COLEC12: variants seen among roughly 807,000 people sequenced by gnomAD.
COLEC12 encodes the protein collectin-12.
COLEC12 carries 33 observed loss-of-function variants against 71.1 expected under a neutral mutation model. The observed-to-expected ratio is 0.46, with a 90% confidence interval of 0.35 to 0.62. The LOEUF (loss-of-function observed/expected upper bound fraction) is 0.62, where lower values mean the gene tolerates loss of function less well. Among genes scored for constraint, COLEC12 ranks in the 20% least tolerant of loss-of-function variants. The pLI is 0.00. For synonymous variants in COLEC12, 350 were observed against 353.0 expected, an observed-to-expected ratio of 0.99 and a Z score of 0.10; for missense variants, 765 against 916.1, an observed-to-expected ratio of 0.84 and a Z score of 2.13.
chr18:352,297 T>C (rs574276025), intron 3 of COLEC12, among the ~76,000 whole-genome samples: 27 of 152,324 alleles, frequency 1.8e-4, no homozygotes, highest in African/African-American at 6.5e-4. Flanking sequence ...TCAAAACATA[T>C]GCCTCGGTCT....
At chr18:431,831 A>G (rs756396060) in intron 2 of COLEC12, among the ~76,000 whole-genome samples, 2 of 152,206 alleles carry the variant, frequency 1.3e-5, no homozygotes, top group African/African-American at 2.4e-5. Context: ...AGTAGTAATA[A>G]TAAGTGTAGC....
At chr18:488,370 C>T (rs928579678) in intron 1 of COLEC12, among the ~76,000 whole-genome samples, 5 of 152,064 alleles carry the variant, frequency 3.3e-5, no homozygotes, top group African/African-American at 1.2e-4. Context: ...GAGATAGCAC[C>T]ACTGCTCTCC....
intron 1 of COLEC12, among the ~76,000 whole-genome samples, chr18:497,883 C>T (rs1354661754): frequency 2.0e-5 from 3 of 152,348 alleles, no homozygotes; most frequent in East Asian, 1.9e-4. Flanking sequence ...GTAAAAGCAG[C>T]TTTCCGTTTT....
At chr18:366,970 G>C (rs753770269) in intron 2 of COLEC12, among the ~76,000 whole-genome samples, 18 of 152,346 alleles carry the variant, frequency 1.2e-4, no homozygotes, top group Non-Finnish European at 2.4e-4. Context: ...GCTGGAGGTA[G>C]AGGGTGGAAT....
intron 6 of COLEC12, chr18:333,397 C>T (rs144753454): frequency 2.9e-5 from 10 of 340,932 alleles, no homozygotes; most frequent in Non-Finnish European, 5.3e-5. Context: ...TGTCTGGATC[C>T]GTCTTCACAA....
intron 2 of COLEC12, among the ~76,000 whole-genome samples, chr18:420,603 G>T (rs1287615309): frequency 2.0e-5 from 3 of 152,166 alleles, no homozygotes; most frequent in Non-Finnish European, 4.4e-5. Flanking sequence ...CGCCTGACTG[G>T]ACAGTAACTT....
intron 2 of COLEC12, among the ~76,000 whole-genome samples, chr18:440,657 T>C (rs968576628): frequency 6.6e-6 from 1 of 152,186 alleles, no homozygotes; most frequent in Non-Finnish European, 1.5e-5. Flanking sequence ...TCAAGTCCCT[T>C]ATCAGTCTTC....
At chr18:398,963 G>A (rs1480299981) in intron 2 of COLEC12, among the ~76,000 whole-genome samples, 1 of 152,180 alleles carries the variant, frequency 6.6e-6, no homozygotes, top group Non-Finnish European at 1.5e-5. Context: ...GGAATTAAAA[G>A]CAGGTCTATA....
intron 2 of COLEC12, among the ~76,000 whole-genome samples, chr18:388,022 G>A (rs549191209): frequency 2.6e-5 from 4 of 152,226 alleles, no homozygotes; most frequent in South Asian, 4.2e-4. Context: ...TATCTTCCCC[G>A]CAAAACAGTT....
At chr18:483,746 G>A (rs73358567) in intron 1 of COLEC12, among the ~76,000 whole-genome samples, 8,041 of 152,218 alleles carry the variant, frequency 0.053, 277 homozygotes, top group Admixed American at 0.12. Flanking sequence ...GTAATCTGTC[G>A]TGTTAATGGC....
chr18:397,237 A>G (rs889106227), intron 2 of COLEC12, among the ~76,000 whole-genome samples: 3 of 152,044 alleles, frequency 2.0e-5, no homozygotes, highest in Non-Finnish European at 4.4e-5. Context: ...TGAGGCCACC[A>G]CCCCTACTTT....
At chr18:479,134 G>GT (rs1050115078) in intron 2 of COLEC12, among the ~76,000 whole-genome samples, 1 of 152,022 alleles carries the variant, frequency 6.6e-6, no homozygotes, top group Non-Finnish European at 1.5e-5. Context: ...ATCTTTCTGT[G>GT]TTTTTTTGTT....
chr18:417,739 G>A (rs1019218990), intron 2 of COLEC12, among the ~76,000 whole-genome samples: 31 of 152,218 alleles, frequency 2.0e-4, no homozygotes, highest in African/African-American at 7.2e-4. Flanking sequence ...CAAGTTCCAA[G>A]AAACACTGGT....
At chr18:356,476 A>T (rs1478593141) in intron 3 of COLEC12, among the ~76,000 whole-genome samples, 1 of 152,174 alleles carries the variant, frequency 6.6e-6, no homozygotes, top group Non-Finnish European at 1.5e-5. Context: ...TTTCTCAGGA[A>T]ACTGCTACAT....
intron 8 of COLEC12, among the ~76,000 whole-genome samples, chr18:325,120 G>T (rs1252390264): frequency 6.6e-6 from 1 of 152,202 alleles, no homozygotes; most frequent in African/African-American, 2.4e-5. Flanking sequence ...TTGAGCCTCG[G>T]AGGTTGAGGC....
At chr18:393,102 G>T (rs1179773387) in intron 2 of COLEC12, among the ~76,000 whole-genome samples, 1 of 152,210 alleles carries the variant, frequency 6.6e-6, no homozygotes, top group African/African-American at 2.4e-5. Flanking sequence ...AAAACAGCAG[G>T]CTTAGGCTGA....
rs1915631849 is a variant in COLEC12, at chr18:399,290, A to G, written c.59-41768T>C. ...TGAACTTCAGACTACTGGAATGGGC[A>G]CCACCAGCACCACAGACCTTGTGTG... is the stretch of plus-strand genomic sequence containing the variant. On this transcript the variant is annotated intron_variant, in intron 2 of 9. Transcript: ENST00000400256. The surrounding 1 kb of genome is among the most constrained non-coding windows in gnomAD (Gnocchi z 4.0). Among the ~76,000 whole-genome samples, 1 of 152,254 alleles carries G rather than the reference A, an allele frequency of 6.6e-6. No homozygotes were observed. Among genetic ancestry groups the G allele is most frequent in the Non-Finnish European group, 1.5e-5 (1 of 68,048 alleles).
chr18:486,623 AC>A (rs1917523327), intron 1 of COLEC12, among the ~76,000 whole-genome samples: 1 of 152,220 alleles, frequency 6.6e-6, no homozygotes, highest in African/African-American at 2.4e-5. Flanking sequence ...GGGGTTCCAC[AC>A]CATGATGGTG....
At chr18:342,754 C>T (rs1276332313) in intron 5 of COLEC12, among the ~76,000 whole-genome samples, 1 of 152,194 alleles carries the variant, frequency 6.6e-6, no homozygotes. Flanking sequence ...AAGGGAGCAG[C>T]TTGGTTGGCT....
Sources: gnomAD v4.1 joint callset for allele counts (sites outside exome capture counted in the v4.1 genomes callset) on GRCh38, gnomAD v4.1.1 for gene constraint, Gnocchi (gnomAD v3.1) non-coding constraint, MANE v1.5 for transcripts, NCBI Gene and HGNC (gene_info 2026-07-23, HGNC 2026-07-21) for gene names.